CYP2J2: variants seen among roughly 807,000 people sequenced by gnomAD.
CYP2J2 encodes cytochrome P450 family 2 subfamily J member 2.
In CYP2J2, 41 loss-of-function variants were observed where a neutral mutation model predicts 48.8. The observed-to-expected ratio is 0.84, with a 90% CI of 0.66 to 1.09. CYP2J2 has a LOEUF of 1.09. Among genes scored for constraint, CYP2J2 ranks in the 50% least tolerant of loss-of-function variants. The probability of loss-of-function intolerance (pLI) is 0.00; values close to 1 mark genes in which losing one functional copy is unlikely to be tolerated. For synonymous variants in CYP2J2, 221 were observed against 227.1 expected, an observed-to-expected ratio of 0.97 and a Z score of 0.24; for missense variants, 644 against 617.3, an observed-to-expected ratio of 1.04 and a Z score of -0.46.
the CYP2J2 span, among the ~76,000 whole-genome samples, chr1:59,935,019 T>TATATATATATATATACATATATAC: frequency 2.4e-5 from 1 of 41,928 alleles, no homozygotes; most frequent in South Asian, 1.2e-3. Context: ...TATATACATA[T>TATATATATATATATACATATATAC]ATATATATAT....
At chr1:59,902,444 C>T (rs12407371) in intron 7 of CYP2J2, among the ~76,000 whole-genome samples, 54 of 151,128 alleles carry the variant, frequency 3.6e-4, no homozygotes, top group Non-Finnish European at 5.6e-4. Flanking sequence ...TTTTTTAATA[C>T]AGACTCTCAC....
chr1:59,911,271 A>G (rs1644411443), intron 4 of CYP2J2, among the ~76,000 whole-genome samples: 1 of 152,168 alleles, frequency 6.6e-6, no homozygotes, highest in African/African-American at 2.4e-5. Flanking sequence ...GAGGAGGGAA[A>G]TGGACGAGTT....
the CYP2J2 span, among the ~76,000 whole-genome samples, chr1:59,950,117 T>C: frequency 1.3e-5 from 2 of 152,120 alleles, no homozygotes; most frequent in Non-Finnish European, 2.9e-5. Context: ...TTATTAGCAC[T>C]CCAGCTAAAG....
chr1:59,932,017 T>A, the CYP2J2 span, among the ~76,000 whole-genome samples: 2 of 152,150 alleles, frequency 1.3e-5, no homozygotes, highest in African/African-American at 4.8e-5. Flanking sequence ...CATTAATTGA[T>A]GTGGTGTATT....
chr1:59,958,876 C>T, the CYP2J2 span, among the ~76,000 whole-genome samples: 2 of 152,088 alleles, frequency 1.3e-5, no homozygotes, highest in Non-Finnish European at 2.9e-5. Flanking sequence ...TCCCATTCTC[C>T]TTTCTAGTTT....
chr1:59,966,874 C>T, the CYP2J2 span, among the ~76,000 whole-genome samples: 6 of 152,266 alleles, frequency 3.9e-5, no homozygotes, highest in South Asian at 1.0e-3. Context: ...GAATTTGTTA[C>T]TTTCTGGATG....
the CYP2J2 span, among the ~76,000 whole-genome samples, chr1:59,955,173 T>TAAATAAATAAA: frequency 3.1e-4 from 39 of 125,562 alleles, no homozygotes; most frequent in African/African-American, 9.5e-4. Flanking sequence ...AAATAAATAA[T>TAAATAAATAAA]TAAAAAAATA....
At chr1:59,897,668 G>A (rs1340162967) in intron 8 of CYP2J2, among the ~76,000 whole-genome samples, 2 of 152,184 alleles carry the variant, frequency 1.3e-5, no homozygotes, top group Admixed American at 6.5e-5. Flanking sequence ...GATTTTAACT[G>A]GAAAGAGAGG....
chr1:59,909,917 G>C lies in CYP2J2; in HGVS notation c.728C>G (p.Pro243Arg). The change falls in exon 5 of 9, where the codon CCC becomes CGC. Residue 243 changes from proline to arginine, a missense_variant. Transcript: ENST00000371204. ...FPWIMKFLPG[P>R]HQTLFSNWKK... Reference sequence around the variant, plus strand: ...CCAGTTGCTGAAGAGAGTTTGGTGGGGTCCAGGCAGGAATTTCATTATCCA... The same window carrying C: ...CCAGTTGCTGAAGAGAGTTTGGTGGCGTCCAGGCAGGAATTTCATTATCCA... 6.2e-7 allele frequency: 1 copy of C among 1,609,128 alleles called. No homozygotes were observed. Among genetic ancestry groups the C allele is most frequent in the Non-Finnish European group, 8.5e-7 (1 of 1,178,356 alleles).
the CYP2J2 span, among the ~76,000 whole-genome samples, chr1:59,942,041 C>A: frequency 6.6e-6 from 1 of 152,164 alleles, no homozygotes; most frequent in Non-Finnish European, 1.5e-5. Flanking sequence ...AAGCGCCATT[C>A]GTGATAAGTG....
chr1:59,909,548 A>T (rs1644393493), intron 5 of CYP2J2, among the ~76,000 whole-genome samples: 1 of 152,194 alleles, frequency 6.6e-6, no homozygotes, highest in African/African-American at 2.4e-5. Context: ...GAAGCTGGGA[A>T]AGTAATAGAA....
chr1:59,925,672 C>T (rs1432304221), intron 1 of CYP2J2, among the ~76,000 whole-genome samples: 1 of 152,140 alleles, frequency 6.6e-6, no homozygotes, highest in Non-Finnish European at 1.5e-5. Context: ...AGTGATAAAA[C>T]TTTGTCTATC....
At chr1:59,911,862 G>C in intron 3 of CYP2J2, 94 bp from the exon 4 acceptor site, 9 of 1,253,852 alleles carry the variant, frequency 7.2e-6, no homozygotes, top group African/African-American at 1.5e-5. Context: ...GACATACCTA[G>C]TGCAGAACCA....
At chr1:59,903,544 G>A (rs534906484) in intron 7 of CYP2J2, among the ~76,000 whole-genome samples, 14 of 152,290 alleles carry the variant, frequency 9.2e-5, no homozygotes, top group African/African-American at 3.1e-4. Flanking sequence ...TGGGGCAAGG[G>A]TTGAAAAACT....
chr1:59,963,035 T>C, the CYP2J2 span, among the ~76,000 whole-genome samples: 1 of 152,202 alleles, frequency 6.6e-6, no homozygotes, highest in African/African-American at 2.4e-5. Context: ...TTGTTCTCAT[T>C]TTCACCAGAA....
At chr1:59,906,864 C>A (rs1014129672) in intron 6 of CYP2J2, among the ~76,000 whole-genome samples, 3 of 152,134 alleles carry the variant, frequency 2.0e-5, no homozygotes, top group Admixed American at 1.3e-4. Context: ...ACAAACTTAC[C>A]TTAGTACATG....
chr1:59,949,229 A>G, the CYP2J2 span, among the ~76,000 whole-genome samples: 5 of 151,962 alleles, frequency 3.3e-5, no homozygotes, highest in African/African-American at 9.7e-5. Context: ...TCCTATTTCT[A>G]TGTTTTTGCG....
chr1:59,904,140 A>G (rs948972800), intron 7 of CYP2J2, among the ~76,000 whole-genome samples: 1 of 152,146 alleles, frequency 6.6e-6, no homozygotes, highest in African/African-American at 2.4e-5. Context: ...TGGGAGGCCG[A>G]GGTGGGTGGA....
the CYP2J2 span, among the ~76,000 whole-genome samples, chr1:59,938,124 T>C: frequency 6.6e-6 from 1 of 152,204 alleles, no homozygotes. Context: ...ATTGTCTTCA[T>C]ATTTGTGGAT....
Sources: allele counts gnomAD v4.1 joint callset (sites outside exome capture counted in the v4.1 genomes callset), GRCh38; gene constraint gnomAD v4.1.1; transcripts MANE v1.5; gene names NCBI Gene and HGNC (gene_info 2026-07-23, HGNC 2026-07-21).